TCF12: variants seen among roughly 807,000 people sequenced by gnomAD.
TCF12 encodes the protein transcription factor 12.
A neutral mutation model predicts 86.0 loss-of-function variants in TCF12; 45 were observed. The observed-to-expected ratio is 0.52, with a 90% confidence interval of 0.41 to 0.67. The LOEUF is 0.67. Ranked by LOEUF, TCF12 falls within the 30% of genes least tolerant of loss-of-function variation. TCF12 has a pLI of 0.00. For missense variants in TCF12, 881 were observed against 859.9 expected, an observed-to-expected ratio of 1.02 and a Z score of -0.31; for synonymous variants, 330 against 299.6, an observed-to-expected ratio of 1.10 and a Z score of -1.05.
At chr15:57,087,163 C>T (rs1398983177) in intron 4 of TCF12, among the ~76,000 whole-genome samples, 1 of 151,508 alleles carries the variant, frequency 6.6e-6, no homozygotes, top group African/African-American at 2.4e-5. Flanking sequence ...TTTGATTGCC[C>T]ACATTTTGGG....
chr15:57,253,194 A>T, intron 15 of TCF12, 68 bp from the exon 16 acceptor site: 1 of 1,549,454 alleles, frequency 6.5e-7, no homozygotes. Context: ...CATAGTAGGA[A>T]ACGTAGCAGT....
rs190174655 is a variant in TCF12, at chr15:57,144,679, A to G, written c.326-21723A>G. Among the ~76,000 whole-genome samples the G allele has an allele frequency of 1.0e-3, 153 of 152,172 alleles. 6 individuals are homozygous for G. In the East Asian group the frequency reaches 0.027, roughly 27 times the overall value. ...GGTGGCACGAGCTCAGCTCACTGCA[A>G]CCTCCGCCTCCTGAGCCCAAGTGAT... On this transcript the variant is annotated intron_variant, in intron 5 of 20. Coordinates refer to ENST00000333725, the MANE Select transcript of TCF12 (RefSeq NM_207037.2).
intron 5 of TCF12, among the ~76,000 whole-genome samples, chr15:57,120,276 C>T (rs2051136205): frequency 6.6e-6 from 1 of 152,160 alleles, no homozygotes. Flanking sequence ...TTCAGTGCTC[C>T]CTTGCTGTTT....
intron 3 of TCF12, among the ~76,000 whole-genome samples, chr15:57,063,045 A>T (rs143330276): frequency 6.6e-6 from 1 of 152,298 alleles, no homozygotes; most frequent in Non-Finnish European, 1.5e-5. Context: ...TGCATTAAGG[A>T]TGCACAATAA....
intron 3 of TCF12, among the ~76,000 whole-genome samples, chr15:57,007,792 C>CTCTCTTTCTT (rs2064501023): frequency 9.5e-5 from 5 of 52,536 alleles, no homozygotes; most frequent in Admixed American, 4.5e-4. Flanking sequence ...CTTTCTTTCT[C>CTCTCTTTCTT]TCTTTCTTTC....
At chr15:57,209,410 G>C (rs1230635536) in intron 8 of TCF12, among the ~76,000 whole-genome samples, 1 of 152,058 alleles carries the variant, frequency 6.6e-6, no homozygotes, top group Non-Finnish European at 1.5e-5. Context: ...TAAAAATATA[G>C]GGCCATGGTC....
At position 57,245,219 on chromosome 15, in the gene TCF12, C is replaced by G. The variant is rs189741779; in HGVS notation, c.1114+1669C>G. On this transcript the variant is annotated intron_variant, in intron 13 of 20. Transcript: ENST00000333725. Reference sequence around the variant, plus strand: ...CTTGTGGCTCTACTAAGAAGCATTCCGGTTTGGGGATGATGAACTGCTGGC... The same window carrying G: ...CTTGTGGCTCTACTAAGAAGCATTCGGGTTTGGGGATGATGAACTGCTGGC... 6.6e-5 allele frequency among the ~76,000 whole-genome samples: 10 copies of G among 152,300 alleles called. No homozygotes were observed. In the East Asian group the frequency reaches 1.9e-3, roughly 29 times the overall value.
chr15:57,238,592 C>G (rs191013059), intron 12 of TCF12, among the ~76,000 whole-genome samples: 12 of 152,306 alleles, frequency 7.9e-5, no homozygotes, highest in African/African-American at 2.9e-4. Flanking sequence ...ATTTCTGTTG[C>G]TGACCCACAT....
chr15:57,207,495 A>C (rs1395580399), intron 8 of TCF12, among the ~76,000 whole-genome samples: 4 of 151,982 alleles, frequency 2.6e-5, no homozygotes, highest in Non-Finnish European at 4.4e-5. Context: ...ACATGGTGAA[A>C]CCTCATCTCT....
At chr15:57,254,874 A>AAAAAAAAAAAAAAAAAAAAAAAAG (rs1555410242) in intron 16 of TCF12, among the ~76,000 whole-genome samples, 1 of 108,848 alleles carries the variant, frequency 9.2e-6, no homozygotes, top group African/African-American at 2.9e-5. Flanking sequence ...AAAAAAAAAA[A>AAAAAAAAAAAAAAAAAAAAAAAAG]AAAGAAAGAA....
In TCF12 at chr15:57,146,604, C is replaced by T. The variant is rs2053381538; in HGVS notation, c.326-19798C>T. Reference sequence around the variant, plus strand: ...AAGACACAAGGGGGCACTGTCTTACCATAATCTGACTGATTTTAATTTAGC... The same window carrying T: ...AAGACACAAGGGGGCACTGTCTTACTATAATCTGACTGATTTTAATTTAGC... On this transcript the variant is annotated intron_variant, in intron 5 of 20. Transcript: ENST00000333725. 2.0e-5 allele frequency among the ~76,000 whole-genome samples: 3 copies of T among 152,160 alleles called. No individual in the cohort carries two copies. The South Asian group carries it at 6.2e-4, about 32-fold the overall frequency.
intron 5 of TCF12, chr15:57,118,352 CTTG>C (rs1467566794): frequency 3.3e-5 from 5 of 152,232 alleles, no homozygotes; most frequent in Non-Finnish European, 7.3e-5. Flanking sequence ...CTGACTGTCT[CTTG>C]AGACTTTGGA....
intron 5 of TCF12, among the ~76,000 whole-genome samples, chr15:57,149,958 T>C (rs1331396148): frequency 6.6e-6 from 1 of 152,184 alleles, no homozygotes; most frequent in Non-Finnish European, 1.5e-5. Context: ...AGTTTCATAG[T>C]GGTCCTAACT....
At chr15:57,101,633 A>G (rs1439436502) in intron 5 of TCF12, among the ~76,000 whole-genome samples, 2 of 152,148 alleles carry the variant, frequency 1.3e-5, no homozygotes, top group African/African-American at 2.4e-5. Context: ...CCACACACAT[A>G]TATATATGGT....
At chr15:57,103,219 T>C (rs2151183311) in intron 5 of TCF12, among the ~76,000 whole-genome samples, 1 of 152,354 alleles carries the variant, frequency 6.6e-6, no homozygotes, top group Non-Finnish European at 1.5e-5. Context: ...TTTTCTAGGC[T>C]GTGTATAAAT....
intron 19 of TCF12, among the ~76,000 whole-genome samples, chr15:57,280,762 A>G (rs894724028): frequency 4.6e-5 from 7 of 152,172 alleles, no homozygotes; most frequent in Admixed American, 1.3e-4. Flanking sequence ...TACTAATGGT[A>G]TATCGGCTAT....
At chr15:56,955,486 A>G (rs923320527) in intron 3 of TCF12, among the ~76,000 whole-genome samples, 10 of 152,108 alleles carry the variant, frequency 6.6e-5, no homozygotes, top group Non-Finnish European at 1.5e-4. Flanking sequence ...AACCAACATG[A>G]CACATGTATA....
At chr15:57,102,765 G>A (rs2049848891) in intron 5 of TCF12, among the ~76,000 whole-genome samples, 1 of 152,110 alleles carries the variant, frequency 6.6e-6, no homozygotes, top group South Asian at 2.1e-4. Flanking sequence ...TAAGTTATTA[G>A]TTAGGTGAGT....
intron 5 of TCF12, among the ~76,000 whole-genome samples, chr15:57,104,260 TCATAA>T (rs1381108381): frequency 2.6e-5 from 4 of 151,970 alleles, no homozygotes; most frequent in Admixed American, 6.6e-5. Context: ...TAAGACTATC[TCATAA>T]CATAATTGGA....
Sources: gnomAD v4.1 joint callset for allele counts (sites outside exome capture counted in the v4.1 genomes callset) on GRCh38, gnomAD v4.1.1 for gene constraint, MANE v1.5 for transcripts, NCBI Gene and HGNC (gene_info 2026-07-23, HGNC 2026-07-21) for gene names.